SBF1: variants seen among roughly 807,000 people sequenced by gnomAD.
The protein encoded by SBF1 is SET binding factor 1.
A neutral mutation model predicts 215.8 loss-of-function variants in SBF1; 65 were observed. The observed-to-expected ratio is 0.30, with a 90% confidence interval of 0.25 to 0.37. SBF1 has a LOEUF of 0.37. Among genes scored for constraint, SBF1 ranks in the 10% least tolerant of loss-of-function variants. SBF1 has a pLI of 1.00. For synonymous variants in SBF1, 1,410 were observed against 1,122.8 expected (o/e 1.26, Z -5.11); for missense variants, 2,634 against 2,667.8 (o/e 0.99, Z 0.28).
rs1467134812 is a variant in SBF1, at chr22:50,459,403, A to T, written c.3689-11T>A. On this transcript the variant is annotated splice_polypyrimidine_tract_variant and intron_variant, in intron 27 of 40. Transcript: ENST00000380817. ...CCGCCTGGGACTGGCCTGGGGGAGG[A>T]CACGGAGCTGAGGGAGGGGAGGGTG... 3.1e-6 allele frequency: 5 copies of T among 1,611,862 alleles called. No individual in the cohort carries two copies. Among genetic ancestry groups the T allele is most frequent in the Non-Finnish European group, 4.2e-6 (5 of 1,179,094 alleles).
chr22:50,447,290 C>T, intron 40 of SBF1, 32 bp downstream of exon 40: 1 of 1,613,392 alleles, frequency 6.2e-7, no homozygotes, highest in South Asian at 1.1e-5. Flanking sequence ...CGCAGAGCCC[C>T]TCCCCTCTCC....
Position 50,474,359 on chromosome 22 carries a change from C to T in SBF1, c.55+427G>A, listed in dbSNP as rs2068097937. On this transcript the variant is annotated intron_variant, in intron 1 of 40. Transcript: ENST00000380817. Reference sequence around the variant, plus strand: ...AGGTCAGAGGCGGGCTGGCGAGCCGCGGGTCCGCGCCCCTGGAGCCACTAG... The same window carrying T: ...AGGTCAGAGGCGGGCTGGCGAGCCGTGGGTCCGCGCCCCTGGAGCCACTAG... Among the ~76,000 whole-genome samples, 5 of 152,222 alleles carry T rather than the reference C, an allele frequency of 3.3e-5. No homozygotes were observed. The South Asian group carries it at 1.0e-3, about 31-fold the overall frequency.
chr22:50,461,325 A>T, intron 22 of SBF1, 39 bp from the exon 23 acceptor site: 1 of 1,203,272 alleles, frequency 8.3e-7, no homozygotes, highest in South Asian at 1.3e-5. Flanking sequence ...CAAGGAAGGT[A>T]AGGGGGGGGG....
At chr22:50,458,856 G>T (rs979568181) in intron 28 of SBF1, among the ~76,000 whole-genome samples, 2 of 152,216 alleles carry the variant, frequency 1.3e-5, no homozygotes, top group Admixed American at 1.3e-4. Context: ...AGGGAGGGTG[G>T]AGTGTGGGGG....
intron 30 of SBF1, 39 bp downstream of exon 30, chr22:50,456,453 G>GGCCCCCCCC: frequency 1.4e-4 from 209 of 1,519,306 alleles, no homozygotes; most frequent in East Asian, 6.1e-4. Flanking sequence ...CCCCTGCCGA[G>GGCCCCCCCC]CCCCCACCCT....
intron 36 of SBF1, among the ~76,000 whole-genome samples, chr22:50,453,834 G>A (rs374859153): frequency 1.3e-5 from 2 of 151,872 alleles, no homozygotes; most frequent in South Asian, 4.2e-4. Flanking sequence ...GCCAACAGTG[G>A]GGAGCTGAGT....
In SBF1 at chr22:50,445,283, T is replaced by G. The variant is rs553244119; in HGVS notation, c.*1859A>C. 3 of 152,558 alleles carry G rather than the reference T, an allele frequency of 2.0e-5. No homozygotes were observed. The highest frequency in any genetic ancestry group is 4.4e-5 in the Non-Finnish European group (3 of 68,382). The allele number at this position is 152,558 out of a possible 1,614,324, so 9.5% of individuals were successfully genotyped here. A position where few individuals can be genotyped will look rare whatever the true frequency, so the allele number is the denominator to read the frequency against. Reference sequence around the variant, plus strand: ...TACTGACATTTTTCCGTTTGGGGGATGGGGGGAACCACTTCGCCTAACGCT... The same window carrying G: ...TACTGACATTTTTCCGTTTGGGGGAGGGGGGGAACCACTTCGCCTAACGCT... On this transcript the variant is annotated 3_prime_UTR_variant, in exon 41 of 41. Coordinates refer to ENST00000380817, the MANE Select transcript of SBF1 (RefSeq NM_002972.4).
In SBF1 at chr22:50,460,735, T is replaced by C. The variant is rs554311478; in HGVS notation, c.2968-23A>G. 199 of 1,604,140 alleles carry C rather than the reference T, an allele frequency of 1.2e-4. 3 individuals carry two copies. The South Asian group carries it at 1.8e-3, about 15-fold the overall frequency. On this transcript the variant is annotated intron_variant, in intron 23 of 40. Coordinates refer to ENST00000380817, the MANE Select transcript of SBF1 (RefSeq NM_002972.4). ...CAGCTGTGTCAGTAAAAGCAGCCCT[T>C]AGGGGTGTGGGTGGCCCCCCAGCCC...
Position 50,462,634 on chromosome 22 carries a change from G to A in SBF1, c.2052C>T (p.Ala684=), listed in dbSNP as rs1198844396. ...GAGTCTGCACATCCCCATAGAACAT[G>A]GCCTCCCAGAACTGTGGCGTGCTCC... ...VVWSTPQFWE[A]MFYGDVQTHI... Residue 684 remains alanine (A), a synonymous_variant, in exon 18 of 41, where the codon GCC becomes GCT. Coordinates refer to ENST00000380817, the MANE Select transcript of SBF1 (RefSeq NM_002972.4). 5 of 1,612,798 alleles carry A rather than the reference G, an allele frequency of 3.1e-6. No individual in the cohort carries two copies. The highest frequency in any genetic ancestry group is 1.3e-5 in the African/African-American group (1 of 75,030).
In SBF1 at chr22:50,462,710, C is replaced by A. The variant is rs772100239; in HGVS notation, c.1976G>T (p.Ser659Ile). ...PLVTAFCRKL[S>I]PGVTQFAYSC... ...GTATGCAAACTGCGTCACCCCCGGG[C>A]TCAGCTTCTGCAGGAGCCAGGGGAG... Residue 659 changes from serine (S) to isoleucine (I), a missense_variant, in exon 18 of 41, where the codon AGC becomes ATC. Ser to Ile is a moderately radical substitution (Grantham distance 142). Transcript: ENST00000380817. 6.2e-7 allele frequency: 1 copy of A among 1,611,562 alleles called. No homozygotes were observed. The highest frequency in any genetic ancestry group is 8.5e-7 in the Non-Finnish European group (1 of 1,179,240).
At position 50,467,341 on chromosome 22, in the gene SBF1, C is replaced by T. The variant is rs1449596861; in HGVS notation, c.546G>A (p.Ser182=). Residue 182 remains serine, a synonymous_variant, in exon 5 of 41, where the codon TCG becomes TCA. Coordinates refer to ENST00000380817, the MANE Select transcript of SBF1 (RefSeq NM_002972.4). ...LTCTVPLAGG[S]QRTISLGAGD... ...ACCAGCTGCCTCCAAAACTCACCTG[C>T]GAGCCCCCAGCCAGGGGCACAGTGC... is the stretch of plus-strand genomic sequence containing the variant. 9 of 1,613,052 alleles carry T rather than the reference C, an allele frequency of 5.6e-6. No homozygotes were observed. Among genetic ancestry groups the T allele is most frequent in the Non-Finnish European group, 5.9e-6 (7 of 1,179,294 alleles).
At chr22:50,452,486 A>C (rs1288719030) in intron 36 of SBF1, among the ~76,000 whole-genome samples, 1 of 152,134 alleles carries the variant, frequency 6.6e-6, no homozygotes, top group Non-Finnish European at 1.5e-5. Context: ...TGCAAGGCCA[A>C]GGCGGGCGGA....
At chr22:50,472,111 G>A (rs1033383710) in intron 1 of SBF1, among the ~76,000 whole-genome samples, 1 of 152,344 alleles carries the variant, frequency 6.6e-6, no homozygotes, top group South Asian at 2.1e-4. Context: ...CCAGAGCACA[G>A]AAGGTGATCC....
At chr22:50,455,813 C>T in intron 31 of SBF1, 1 of 585,072 alleles carries the variant, frequency 1.7e-6, no homozygotes, top group Non-Finnish European at 3.0e-6. Context: ...CCCTCTAGGA[C>T]TGAGGGACGT....
At position 50,446,880 on chromosome 22, in the gene SBF1, C is replaced by A. The variant is rs770876939; in HGVS notation, c.*262G>T. ...CAGCCGCTGGCTGGACCAGCACACG[C>A]TGACGGGGCCGGACTATTTACAGGC... On this transcript the variant is annotated 3_prime_UTR_variant, in exon 41 of 41. Coordinates refer to ENST00000380817, the MANE Select transcript of SBF1 (RefSeq NM_002972.4). 2 of 744,840 alleles carry A rather than the reference C, an allele frequency of 2.7e-6. No individual in the cohort carries two copies. Among genetic ancestry groups the A allele is most frequent in the Admixed American group, 3.5e-5 (2 of 57,068 alleles). The allele number at this position is 744,840 out of a possible 1,614,324, so 46.1% of individuals were successfully genotyped here.
intron 1 of SBF1, among the ~76,000 whole-genome samples, chr22:50,473,536 C>T (rs766332291): frequency 3.0e-4 from 46 of 152,154 alleles, no homozygotes; most frequent in Non-Finnish European, 5.6e-4. Flanking sequence ...CTTGGATAGA[C>T]ATGAGCAGAG....
chr22:50,467,712 C>CG, intron 3 of SBF1, 22 bp from the exon 4 acceptor site: 1 of 514,094 alleles, frequency 1.9e-6, no homozygotes, highest in Non-Finnish European at 3.5e-6. Flanking sequence ...CAGGGGGAGA[C>CG]GGGGGCAGGG....
intron 28 of SBF1, chr22:50,457,459 G>A: frequency 3.8e-6 from 1 of 263,506 alleles, no homozygotes; most frequent in Non-Finnish European, 7.2e-6. Flanking sequence ...TCCACTCAGG[G>A]GGCCAGGGCT....
intron 1 of SBF1, among the ~76,000 whole-genome samples, chr22:50,472,718 G>A (rs145612799): frequency 1.6e-4 from 24 of 152,288 alleles, no homozygotes; most frequent in South Asian, 4.1e-4. Flanking sequence ...TGACCCCCAC[G>A]CCACACTCCT....
Sources: allele counts gnomAD v4.1 joint callset (sites outside exome capture counted in the v4.1 genomes callset), GRCh38; gene constraint gnomAD v4.1.1; transcripts MANE v1.5; gene names NCBI Gene and HGNC (gene_info 2026-07-23, HGNC 2026-07-21).